The following COL5A2 variants were observed in gnomAD, a reference collection of about 807,000 sequenced individuals.
COL5A2 encodes the protein collagen alpha-2(V) chain.
Under a neutral mutation model 208.2 loss-of-function variants are expected in COL5A2, and 23 were observed. The ratio of observed to expected loss-of-function variants is 0.11; its 90% CI spans 0.08 to 0.16. The LOEUF is 0.16. Among genes scored for constraint, COL5A2 ranks in the 10% least tolerant of loss-of-function variants. COL5A2 has a pLI of 1.00. For missense variants in COL5A2, 1,590 were observed against 1,956.4 expected, an observed-to-expected ratio of 0.81 and a Z score of 3.53; for synonymous variants, 625 against 628.5, an observed-to-expected ratio of 0.99 and a Z score of 0.08.
At chr2:189,239,580 G>A in the COL5A2 span, among the ~76,000 whole-genome samples, 2 of 140,766 alleles carry the variant, frequency 1.4e-5, no homozygotes, top group African/African-American at 5.3e-5. Flanking sequence ...GAGAACACAT[G>A]GACACAGGAA....
At chr2:189,111,840 T>C (rs914639354) in intron 1 of COL5A2, among the ~76,000 whole-genome samples, 1 of 152,078 alleles carries the variant, frequency 6.6e-6, no homozygotes, top group Non-Finnish European at 1.5e-5. Flanking sequence ...ACTAGGCGTC[T>C]TGTTCATCAC....
chr2:189,394,511 A>C, the COL5A2 span, among the ~76,000 whole-genome samples: 1 of 152,164 alleles, frequency 6.6e-6, no homozygotes, highest in Non-Finnish European at 1.5e-5. Context: ...GCTCTCTAAC[A>C]TATTCTCTGT....
chr2:189,129,262 A>G (rs1445072431), intron 1 of COL5A2, among the ~76,000 whole-genome samples: 2 of 152,092 alleles, frequency 1.3e-5, no homozygotes, highest in African/African-American at 2.4e-5. Context: ...CTGTGTCTTC[A>G]GCCTGTTTTT....
At position 189,179,594 on chromosome 2, in the gene COL5A2, T is replaced by G. The variant is rs773011491; in HGVS notation, c.11A>C (p.Asn4Thr). Residue 4 changes from asparagine (N) to threonine (T), a missense_variant, in exon 1 of 54, where the codon AAC (asparagine) becomes ACC (threonine). By Grantham distance (65) the Asn-to-Thr change is moderately conservative. Transcript: ENST00000374866. ...GAGGAGAGGTCTTGCTTCCGCCCAG[T>G]TTGCCATCATGTCTAAATATTAGAC... is the stretch of plus-strand genomic sequence containing the variant. MMA[N>T]WAEARPLLIL... 6.2e-7 allele frequency: 1 copy of G among 1,605,512 alleles called. No individual in the cohort carries two copies. Among genetic ancestry groups the G allele is most frequent in the Non-Finnish European group, 8.5e-7 (1 of 1,174,824 alleles).
At chr2:189,283,126 A>G in the COL5A2 span, among the ~76,000 whole-genome samples, 2 of 152,014 alleles carry the variant, frequency 1.3e-5, no homozygotes, top group Non-Finnish European at 2.9e-5. Flanking sequence ...TGGAGTCTTC[A>G]TGTGGGGAAA....
intron 2 of COL5A2, 70 bp from the exon 3 acceptor site, chr2:189,104,347 C>T: frequency 4.8e-6 from 5 of 1,042,608 alleles, no homozygotes; most frequent in South Asian, 1.3e-5. Flanking sequence ...TAAATATTTA[C>T]TTTCAATAAT....
At chr2:189,157,759 C>T (rs1293125535) in intron 1 of COL5A2, among the ~76,000 whole-genome samples, 2 of 151,928 alleles carry the variant, frequency 1.3e-5, no homozygotes, top group Non-Finnish European at 2.9e-5. Flanking sequence ...TGTTCTATTT[C>T]CTCTGGTATG....
chr2:189,093,298 G>T (rs1686827309), intron 6 of COL5A2, among the ~76,000 whole-genome samples: 1 of 152,118 alleles, frequency 6.6e-6, no homozygotes, highest in South Asian at 2.1e-4. Context: ...AAAAAGAAAG[G>T]ACCAAAAAGT....
At position 189,179,758 on chromosome 2, in the gene COL5A2, C is replaced by G; in HGVS notation, c.-154G>C. Reference sequence around the variant, plus strand: ...TTTTCAGCACCAGCTCCAGCACAGTCTGCGAAAACTTTTTTCAAGCGATGC... The same window carrying G: ...TTTTCAGCACCAGCTCCAGCACAGTGTGCGAAAACTTTTTTCAAGCGATGC... On this transcript the variant is annotated 5_prime_UTR_variant, in exon 1 of 54. Coordinates refer to ENST00000374866, the MANE Select transcript of COL5A2 (RefSeq NM_000393.5). 1.5e-6 allele frequency: 2 copies of G among 1,356,986 alleles called. No individual in the cohort carries two copies. The highest frequency in any genetic ancestry group is 1.9e-4 in the Middle Eastern group (1 of 5,352). 84.1% of individuals were successfully genotyped at this position (1,356,986 alleles called of 1,614,324 possible). A position where few individuals can be genotyped will look rare whatever the true frequency, so the allele number is the denominator to read the frequency against.
intron 1 of COL5A2, among the ~76,000 whole-genome samples, chr2:189,145,964 C>A (rs1688031100): frequency 6.6e-6 from 1 of 151,924 alleles, no homozygotes; most frequent in East Asian, 1.9e-4. Context: ...TCATAAAGAG[C>A]AAGACAGTAG....
chr2:189,056,332 C>T lies in COL5A2; in HGVS notation c.2391+641G>A, dbSNP rs533277696. On this transcript the variant is annotated intron_variant, in intron 35 of 53. Transcript: ENST00000374866. The stretch of plus-strand genomic sequence containing the variant: ...AAGCCATTGTGACTAGCCACTCTTA[C>T]ATGAGGAAATCATTTATGTCTGAAA... Among the ~76,000 whole-genome samples the T allele has an allele frequency of 2.0e-5, 3 of 152,284 alleles. No homozygotes were observed. The South Asian group carries it at 6.2e-4, about 32-fold the overall frequency.
At chr2:189,178,588 T>G (rs1219893867) in intron 1 of COL5A2, among the ~76,000 whole-genome samples, 1 of 151,832 alleles carries the variant, frequency 6.6e-6, no homozygotes, top group African/African-American at 2.4e-5. Context: ...GGAATCAATT[T>G]AAATATTTTC....
At position 189,063,199 on chromosome 2, in the gene COL5A2, C is replaced by T. The variant is rs1559085751; in HGVS notation, c.1842G>A (p.Met614Ile). Residue 614 changes from methionine to isoleucine, a missense_variant, in exon 27 of 54, where the codon ATG becomes ATA. Coordinates refer to ENST00000374866, the MANE Select transcript of COL5A2 (RefSeq NM_000393.5). Reference sequence around the variant, plus strand: ...TGCTACCTTTGGGGCCTGGAAGGCCCATGCTCCCGGGCTGCCCTCTGATTC... The same window carrying T: ...TGCTACCTTTGGGGCCTGGAAGGCCTATGCTCCCGGGCTGCCCTCTGATTC... ...SIGIRGQPGSMGLPGPKGSSG... is the reference protein window; with the variant it reads ...SIGIRGQPGSIGLPGPKGSSG... 1 of 1,614,152 alleles carries T rather than the reference C, an allele frequency of 6.2e-7. No individual in the cohort carries two copies. The highest frequency in any genetic ancestry group is 2.2e-5 in the East Asian group (1 of 44,876).
At chr2:189,054,263 C>A (rs1177457069) in intron 35 of COL5A2, 51 bp from the exon 36 acceptor site, 2 of 1,331,926 alleles carry the variant, frequency 1.5e-6, no homozygotes, top group Non-Finnish European at 2.2e-6. Context: ...GCACAGAAAT[C>A]TTCATGCTTA....
chr2:189,259,588 G>A, the COL5A2 span, among the ~76,000 whole-genome samples: 250 of 152,242 alleles, frequency 1.6e-3, 1 homozygote, highest in African/African-American at 5.6e-3. Flanking sequence ...AAAGAGTAAG[G>A]AGAGACCCAG....
Position 189,053,390 on chromosome 2 carries a change from T to C in COL5A2, c.2553+34A>G, listed in dbSNP as rs1483447968. 1.0e-5 allele frequency: 16 copies of C among 1,565,288 alleles called. No homozygotes were observed. In the Admixed American group the frequency reaches 2.5e-4, roughly 24 times the overall value. On this transcript the variant is annotated intron_variant, in intron 38 of 53. Transcript: ENST00000374866. ...AAACTTATTATAACAAGATAAGTGT[T>C]TATTTGTAAATTAGGGATATTTGAA... is the stretch of plus-strand genomic sequence containing the variant.
Position 189,051,461 on chromosome 2 carries a change from T to C in COL5A2, c.2790A>G (p.Gly930=). The change falls in exon 42 of 54, where the codon GGA becomes GGG. Residue 930 remains glycine (G), a synonymous_variant. Transcript: ENST00000374866. ...PGPAGAPGPA[G]PLGEPGKEGP... is the part of the protein sequence containing the mutation. ...CCTCCTTCCCGGGTTCCCCTAGGGG[T>C]CCCGCAGGTCCTGGAGCTCCCTAGT... 1 of 1,609,040 alleles carries C rather than the reference T, an allele frequency of 6.2e-7. No homozygotes were observed. Among genetic ancestry groups the C allele is most frequent in the Non-Finnish European group, 8.5e-7 (1 of 1,177,854 alleles).
At chr2:189,126,947 A>G (rs1382988171) in intron 1 of COL5A2, among the ~76,000 whole-genome samples, 2 of 152,088 alleles carry the variant, frequency 1.3e-5, no homozygotes, top group African/African-American at 2.4e-5. Flanking sequence ...TCTAACTCCA[A>G]GTAGCTATAT....
intron 35 of COL5A2, among the ~76,000 whole-genome samples, chr2:189,054,690 CTTTTT>C (rs58380313): frequency 1.8e-5 from 2 of 113,572 alleles, no homozygotes; most frequent in African/African-American, 3.3e-5. Flanking sequence ...GTGTTTTTTC[CTTTTT>C]TTTTTTTTTT....
Sources: gnomAD v4.1 joint callset for allele counts (sites outside exome capture counted in the v4.1 genomes callset) on GRCh38, gnomAD v4.1.1 for gene constraint, MANE v1.5 for transcripts, NCBI Gene and HGNC (gene_info 2026-07-23, HGNC 2026-07-21) for gene names.